The following SLC22A3 variants were observed in gnomAD, a reference collection of about 807,000 sequenced individuals.
The protein encoded by SLC22A3 is solute carrier family 22 member 3, also known as EMT organic cation transporter 3.
A neutral mutation model predicts 59.1 loss-of-function variants in SLC22A3; 51 were observed. The observed-to-expected ratio is 0.86, with a 90% CI of 0.69 to 1.09. The LOEUF is 1.09. Ranked by LOEUF, SLC22A3 falls within the 50% of genes least tolerant of loss-of-function variation. SLC22A3 has a pLI of 0.00. For synonymous variants in SLC22A3, 325 were observed against 292.0 expected, an observed-to-expected ratio of 1.11 and a Z score of -1.15; for missense variants, 711 against 726.3, an observed-to-expected ratio of 0.98 and a Z score of 0.24.
chr6:160,394,940 C>T (rs191683726), intron 1 of SLC22A3, among the ~76,000 whole-genome samples: 8 of 152,290 alleles, frequency 5.3e-5, no homozygotes, highest in Non-Finnish European at 1.0e-4. Flanking sequence ...ATGTCCACTA[C>T]CTCCCTCCTA....
rs530129323 is a variant in SLC22A3 at position 160,367,850 on chromosome 6, C to T, written c.429+19002C>T. Among the ~76,000 whole-genome samples the T allele has an allele frequency of 2.0e-5, 3 of 152,276 alleles. No homozygotes were observed. The South Asian group carries it at 6.2e-4, about 32-fold the overall frequency. On this transcript the variant is annotated intron_variant, in intron 1 of 10. Transcript: ENST00000275300. ...GTGCCAGCCTCATGCCATTCAGCTA[C>T]CTTCACCCATAATGTCCCTGCACCC...
intron 1 of SLC22A3, among the ~76,000 whole-genome samples, chr6:160,386,781 G>A (rs549508168): frequency 6.6e-6 from 1 of 152,358 alleles, no homozygotes; most frequent in South Asian, 2.1e-4. Flanking sequence ...CCAAGGCATG[G>A]TGTCATTATT....
intron 2 of SLC22A3, among the ~76,000 whole-genome samples, chr6:160,406,788 G>A (rs1044467962): frequency 1.3e-5 from 2 of 152,170 alleles, no homozygotes; most frequent in Non-Finnish European, 2.9e-5. Context: ...GGGAGACTCT[G>A]TGTGAAACAA....
chr6:160,349,202 A>C (rs971591686), intron 1 of SLC22A3: 2 of 473,604 alleles, frequency 4.2e-6, no homozygotes, highest in South Asian at 1.8e-4. Flanking sequence ...GGGCGCCGTC[A>C]TTGGAAATTA....
At chr6:160,447,089 G>A (rs78739765) in intron 9 of SLC22A3, among the ~76,000 whole-genome samples, 3,666 of 152,328 alleles carry the variant, frequency 0.024, 63 homozygotes, top group South Asian at 0.063. Flanking sequence ...GGCTTTTCAA[G>A]AAGTTTGGCT....
At chr6:160,413,506 A>G (rs75340018) in intron 5 of SLC22A3, among the ~76,000 whole-genome samples, 6,357 of 152,270 alleles carry the variant, frequency 0.042, 399 homozygotes, top group African/African-American at 0.14. Context: ...TAGTTTCCCT[A>G]TCCACTGAGT....
chr6:160,438,716 C>T (rs1472376340), intron 7 of SLC22A3, among the ~76,000 whole-genome samples: 2 of 152,080 alleles, frequency 1.3e-5, no homozygotes, highest in Admixed American at 1.3e-4. Flanking sequence ...GCATTCGCTT[C>T]CCAGGGCTGC....
chr6:160,363,079 C>T (rs1224716887), intron 1 of SLC22A3, among the ~76,000 whole-genome samples: 1 of 152,216 alleles, frequency 6.6e-6, no homozygotes, highest in Non-Finnish European at 1.5e-5. Flanking sequence ...CGGGGCATCG[C>T]GCCCCAATGC....
At chr6:160,407,991 G>A (rs1787089995) in intron 3 of SLC22A3, among the ~76,000 whole-genome samples, 1 of 152,154 alleles carries the variant, frequency 6.6e-6, no homozygotes, top group Non-Finnish European at 1.5e-5. Flanking sequence ...GTGGGAGAAG[G>A]AGAGAAGATG....
intron 1 of SLC22A3, among the ~76,000 whole-genome samples, chr6:160,387,658 A>G (rs550045461): frequency 2.5e-4 from 38 of 152,124 alleles, no homozygotes; most frequent in Non-Finnish European, 4.0e-4. Flanking sequence ...ACCTTAGGAA[A>G]TGCTGCCCTA....
intron 1 of SLC22A3, among the ~76,000 whole-genome samples, chr6:160,396,405 C>A (rs183140143): frequency 6.6e-6 from 1 of 152,192 alleles, no homozygotes; most frequent in East Asian, 1.9e-4. Flanking sequence ...ACATGACATG[C>A]TGGCTAATAA....
chr6:160,394,598 A>AT, intron 1 of SLC22A3, among the ~76,000 whole-genome samples: 1 of 152,316 alleles, frequency 6.6e-6, no homozygotes, highest in Admixed American at 6.5e-5. Flanking sequence ...GAAACACATA[A>AT]TTTGTTTGTT....
chr6:160,390,290 G>C (rs746064301), intron 1 of SLC22A3, among the ~76,000 whole-genome samples: 4 of 152,102 alleles, frequency 2.6e-5, no homozygotes, highest in Admixed American at 6.5e-5. Context: ...AGCAAGAGCG[G>C]CAGGAAGGAG....
intron 1 of SLC22A3, among the ~76,000 whole-genome samples, chr6:160,391,301 T>G (rs952554124): frequency 2.0e-5 from 3 of 152,314 alleles, no homozygotes; most frequent in Non-Finnish European, 2.9e-5. Flanking sequence ...TCCTATTTAA[T>G]TGGACTGGAG....
At chr6:160,384,557 T>C (rs1203346238) in intron 1 of SLC22A3, among the ~76,000 whole-genome samples, 1 of 152,098 alleles carries the variant, frequency 6.6e-6, no homozygotes. Context: ...CTCAGGTGTT[T>C]CTAAGCCAGG....
intron 1 of SLC22A3, among the ~76,000 whole-genome samples, chr6:160,391,237 C>G (rs998060611): frequency 1.3e-5 from 2 of 152,118 alleles, no homozygotes; most frequent in Non-Finnish European, 2.9e-5. Context: ...AATTAACTAT[C>G]TTCCAGCAGG....
chr6:160,354,387 A>G (rs932908496), intron 1 of SLC22A3, among the ~76,000 whole-genome samples: 2 of 152,212 alleles, frequency 1.3e-5, no homozygotes, highest in Middle Eastern at 3.2e-3. Context: ...GGTGCTCAGA[A>G]CAGTTGGTTC....
chr6:160,423,983 C>T (rs929585718), intron 5 of SLC22A3, among the ~76,000 whole-genome samples: 11 of 152,092 alleles, frequency 7.2e-5, no homozygotes, highest in South Asian at 2.1e-4. Flanking sequence ...TAATCCATCT[C>T]GAATTAATTT....
intron 1 of SLC22A3, among the ~76,000 whole-genome samples, chr6:160,353,435 T>C (rs1266000278): frequency 6.6e-6 from 1 of 152,162 alleles, no homozygotes; most frequent in Non-Finnish European, 1.5e-5. Context: ...AGCGTGAAGC[T>C]TGGCAGGGAA....
Sources: gnomAD v4.1 joint callset for allele counts (sites outside exome capture counted in the v4.1 genomes callset) on GRCh38, gnomAD v4.1.1 for gene constraint, MANE v1.5 for transcripts, NCBI Gene and HGNC (gene_info 2026-07-23, HGNC 2026-07-21) for gene names.